Variants in JAZF1 observed in about 807,000 individuals in gnomAD.
JAZF1 encodes the protein juxtaposed with another zinc finger protein 1.
A neutral mutation model predicts 26.4 loss-of-function variants in JAZF1; 8 were observed. The observed-to-expected ratio is 0.30, with a 90% CI of 0.18 to 0.55. JAZF1 has a LOEUF of 0.55. Among genes scored for constraint, JAZF1 ranks in the 20% least tolerant of loss-of-function variants. The pLI is 0.94. For missense variants in JAZF1, 199 were observed against 322.0 expected (o/e 0.62, Z 2.92); for synonymous variants, 126 against 122.3 (o/e 1.03, Z -0.20).
intron 1 of JAZF1, among the ~76,000 whole-genome samples, chr7:28,001,267 G>A (rs771074746): frequency 6.6e-5 from 10 of 151,968 alleles, no homozygotes; most frequent in African/African-American, 1.2e-4. Context: ...TATGAGAATC[G>A]TTTGAACACG....
At chr7:28,095,489 T>A (rs139033335) in intron 1 of JAZF1, among the ~76,000 whole-genome samples, 2,634 of 152,188 alleles carry the variant, frequency 0.017, 91 homozygotes, top group African/African-American at 0.06. Context: ...GAGAACAGCA[T>A]GGGGGAAACC....
chr7:27,862,782 C>A (rs1228454522), intron 3 of JAZF1, among the ~76,000 whole-genome samples: 1 of 152,224 alleles, frequency 6.6e-6, no homozygotes, highest in Non-Finnish European at 1.5e-5. Flanking sequence ...GATTTTGAAA[C>A]CCCGCTTTCT....
intron 1 of JAZF1, among the ~76,000 whole-genome samples, chr7:28,005,403 G>A (rs12536791): frequency 0.13 from 19,548 of 149,274 alleles, 1,671 homozygotes; most frequent in Middle Eastern, 0.18. Flanking sequence ...CAGGGAAGCC[G>A]AATCATTGCT....
intron 1 of JAZF1, among the ~76,000 whole-genome samples, chr7:28,164,860 C>T (rs189743658): frequency 4.3e-4 from 66 of 152,106 alleles, no homozygotes; most frequent in Non-Finnish European, 7.4e-5. Flanking sequence ...AAAAATGTAC[C>T]AAACATTATT....
At chr7:27,916,082 T>C (rs775016287) in intron 2 of JAZF1, among the ~76,000 whole-genome samples, 6 of 152,148 alleles carry the variant, frequency 3.9e-5, no homozygotes, top group Non-Finnish European at 7.4e-5. Context: ...CCTTACACCA[T>C]GCACTCTAAA....
intron 1 of JAZF1, among the ~76,000 whole-genome samples, chr7:28,121,105 C>T (rs1359360162): frequency 1.3e-5 from 2 of 148,394 alleles, no homozygotes; most frequent in Non-Finnish European, 3.0e-5. Flanking sequence ...GAGGCTGAGG[C>T]TGAAGAACCC....
Position 28,180,527 on chromosome 7 carries a change from C to T in JAZF1, c.51G>A (p.Gly17=), listed in dbSNP as rs746795421. The T allele has an allele frequency of 3.1e-6, 5 of 1,610,560 alleles. No homozygotes were observed. In the South Asian group the frequency reaches 4.4e-5, roughly 14 times the overall value. Reference sequence around the variant, plus strand: ...GGGTGGGGAAGTGGAGTCCGCAGCCCCCGAATCGGCAGGTATTGGAGAAGA... The same window carrying T: ...GGGTGGGGAAGTGGAGTCCGCAGCCTCCGAATCGGCAGGTATTGGAGAAGA... The part of the protein sequence containing the change: ...ASFFSNTCRF[G]GCGLHFPTLA... The change falls in exon 1 of 5, where the codon GGG becomes GGA. Residue 17 remains glycine (G), a synonymous_variant. Transcript: ENST00000283928.
rs1583510853 is a variant in JAZF1 at position 28,016,841 on chromosome 7, T to C, written c.116-24860A>G. Among the ~76,000 whole-genome samples the C allele has an allele frequency of 2.0e-5, 3 of 152,188 alleles. No individual in the cohort carries two copies. The East Asian group carries it at 5.8e-4, about 29-fold the overall frequency. On this transcript the variant is annotated intron_variant, in intron 1 of 4. Transcript: ENST00000283928. ...ACCAATATTTATCGAAGACCTACTA[T>C]GTGCCAGGTACTGTTCTAGGCACTA...
chr7:27,908,703 A>G (rs112856269), intron 2 of JAZF1, among the ~76,000 whole-genome samples: 483 of 152,322 alleles, frequency 3.2e-3, no homozygotes, highest in African/African-American at 0.011. Context: ...GTCCCCTGTA[A>G]GAACAACAAA....
chr7:27,874,710 TTA>T (rs1783644013), intron 3 of JAZF1, among the ~76,000 whole-genome samples: 1 of 4,636 alleles, frequency 2.2e-4, no homozygotes, highest in African/African-American at 3.7e-3. Flanking sequence ...CACTGAACCT[TTA>T]ATCGAGATCC....
intron 2 of JAZF1, among the ~76,000 whole-genome samples, chr7:27,911,634 C>T (rs763182384): frequency 2.0e-5 from 3 of 152,144 alleles, no homozygotes; most frequent in Non-Finnish European, 4.4e-5. Context: ...AAAATTTCCA[C>T]GATCACAGAA....
chr7:28,048,768 G>T (rs924631738), intron 1 of JAZF1, among the ~76,000 whole-genome samples: 3 of 152,066 alleles, frequency 2.0e-5, no homozygotes, highest in Non-Finnish European at 2.9e-5. Flanking sequence ...GTCCATCAAT[G>T]GATGAATGGA....
chr7:28,070,324 A>G (rs1443934762), intron 1 of JAZF1, among the ~76,000 whole-genome samples: 1 of 152,166 alleles, frequency 6.6e-6, no homozygotes, highest in Non-Finnish European at 1.5e-5. Flanking sequence ...CATCCCTGAA[A>G]AAGCCAAATA....
At chr7:27,997,551 CA>C (rs1163266530) in intron 1 of JAZF1, among the ~76,000 whole-genome samples, 5 of 152,148 alleles carry the variant, frequency 3.3e-5, no homozygotes, top group African/African-American at 1.2e-4. Flanking sequence ...AGCCTCCTAG[CA>C]GCTTTTTATT....
At chr7:27,950,757 T>C (rs149909294) in intron 2 of JAZF1, among the ~76,000 whole-genome samples, 1,731 of 152,290 alleles carry the variant, frequency 0.011, 10 homozygotes, top group Admixed American at 0.019. Flanking sequence ...GTACATTGCC[T>C]GCATTGTACT....
chr7:28,163,737 C>A (rs1262180167), intron 1 of JAZF1, among the ~76,000 whole-genome samples: 2 of 152,178 alleles, frequency 1.3e-5, no homozygotes, highest in Non-Finnish European at 2.9e-5. Context: ...ACATATGCGT[C>A]CCAAGCCCTC....
At chr7:28,135,334 T>C (rs1401089244) in intron 1 of JAZF1, among the ~76,000 whole-genome samples, 2 of 152,178 alleles carry the variant, frequency 1.3e-5, no homozygotes, top group African/African-American at 4.8e-5. Context: ...AAAAGGCAGA[T>C]ATGAGACAGA....
At chr7:28,049,089 C>T (rs112526516) in intron 1 of JAZF1, among the ~76,000 whole-genome samples, 12 of 126,090 alleles carry the variant, frequency 9.5e-5, no homozygotes, top group East Asian at 3.3e-4. Flanking sequence ...CTCTCTCTCT[C>T]TCTTTCTTTC....
intron 2 of JAZF1, among the ~76,000 whole-genome samples, chr7:27,934,192 A>C (rs1784729278): frequency 6.6e-6 from 1 of 152,164 alleles, no homozygotes; most frequent in Non-Finnish European, 1.5e-5. Flanking sequence ...GGAGAAGGAT[A>C]CTCATTGGAT....
Sources: gnomAD v4.1 joint callset for allele counts (sites outside exome capture counted in the v4.1 genomes callset) on GRCh38, gnomAD v4.1.1 for gene constraint, MANE v1.5 for transcripts, NCBI Gene and HGNC (gene_info 2026-07-23, HGNC 2026-07-21) for gene names.